Variants in PEG3 observed in about 807,000 individuals in gnomAD.
PEG3 encodes the protein paternally expressed 3.
PEG3 carries 23 observed loss-of-function variants against 35.5 expected under a neutral mutation model. The ratio of observed to expected loss-of-function variants is 0.65; its 90% CI spans 0.47 to 0.92. PEG3 has a LOEUF of 0.92. Among genes scored for constraint, PEG3 ranks in the 40% least tolerant of loss-of-function variants. The pLI is 0.00. For synonymous variants in PEG3, 707 were observed against 697.0 expected, an observed-to-expected ratio of 1.01 and a Z score of -0.23; for missense variants, 1,960 against 1,985.3, an observed-to-expected ratio of 0.99 and a Z score of 0.24.
rs146926530 is a variant in PEG3, at chr19:56,814,004, C to T, written c.4438G>A (p.Asp1480Asn). ...TCAATTCCCACACCGTCAGGCTCGT[C>T]GGCATCTCCCTCTGGCTCTTCAGCT... The part of the protein sequence containing the change: ...GKAEEPEGDA[D>N]EPDGVGIEDP... Residue 1480 changes from aspartate (D) to asparagine (N), a missense_variant, in exon 10 of 10, where the codon GAC becomes AAC. By Grantham distance (23) the Asp-to-Asn change is conservative. This residue lies in a region of PEG3 where 416 missense variants were observed against 416.7 expected (regional missense o/e 1.00). Transcript: ENST00000326441. This position sits in a 1 kb window ranked among gnomAD's most constrained non-coding sequence, Gnocchi z 5.8. 2.5e-4 allele frequency: 400 copies of T among 1,614,034 alleles called. 2 individuals carry two copies. The highest frequency in any genetic ancestry group is 1.6e-4 in the Middle Eastern group (1 of 6,084).
At position 56,817,149 on chromosome 19, in the gene PEG3, C is replaced by A; in HGVS notation, c.1293G>T (p.Leu431=). The change falls in exon 10 of 10, where the codon CTG becomes CTT. Residue 431 remains leucine (L), a synonymous_variant. Transcript: ENST00000326441. ...TAAAGGAGGGGGAGCTGAGGCTGCT[C>A]AGGCTGCTCACGCTCATGGCTTTTC... is the stretch of plus-strand genomic sequence containing the variant. ...EMRKAMSVSS[L]SSLSSPSFTE... is the part of the protein sequence containing the mutation. The A allele has an allele frequency of 6.2e-7, 1 of 1,614,172 alleles. No individual in the cohort carries two copies. The highest frequency in any genetic ancestry group is 8.5e-7 in the Non-Finnish European group (1 of 1,180,008).
chr19:56,823,734 T>C (rs572353236), intron 4 of PEG3, 55 bp from the exon 5 acceptor site: 55 of 1,592,032 alleles, frequency 3.5e-5, no homozygotes, highest in Admixed American at 8.3e-5. Context: ...CTCACAATAG[T>C]TCCCCCCAAT....
Position 56,816,540 on chromosome 19 carries a change from C to T in PEG3, c.1902G>A (p.Glu634=), listed in dbSNP as rs779388459. Reference sequence around the variant, plus strand: ...TCAGGGATGAGCTATGAAGGAAAGTCTCCCCACACACCTTACATTCGTACA... The same window carrying T: ...TCAGGGATGAGCTATGAAGGAAAGTTTCCCCACACACCTTACATTCGTACA... The part of the protein sequence containing the change: ...EKMYECKVCG[E]TFLHSSSLKE... Residue 634 remains glutamate, a synonymous_variant, in exon 10 of 10, where the codon GAG becomes GAA. Coordinates refer to ENST00000326441, the MANE Select transcript of PEG3 (RefSeq NM_006210.3). 1.9e-6 allele frequency: 3 copies of T among 1,613,800 alleles called. No individual in the cohort carries two copies. In the African/African-American group the frequency reaches 4.0e-5, roughly 22 times the overall value.
At chr19:56,818,868 G>A (rs751380859) in intron 7 of PEG3, among the ~76,000 whole-genome samples, 166 bp from the exon 8 acceptor site, 4 of 152,314 alleles carry the variant, frequency 2.6e-5, no homozygotes, top group Admixed American at 6.5e-5. Flanking sequence ...GACCTACGTC[G>A]TACCTACCTT....
rs1186287818 is a variant in PEG3 at position 56,810,128 on chromosome 19, T to C, written c.*3547A>G. 3 of 964,928 alleles carry C rather than the reference T, an allele frequency of 3.1e-6. No homozygotes were observed. The African/African-American group carries it at 5.3e-5, about 17-fold the overall frequency. 59.8% of individuals were successfully genotyped at this position (964,928 alleles called of 1,614,324 possible). A position where few individuals can be genotyped will look rare whatever the true frequency, so the allele number is the denominator to read the frequency against. On this transcript the variant is annotated 3_prime_UTR_variant, in exon 10 of 10. Coordinates refer to ENST00000326441, the MANE Select transcript of PEG3 (RefSeq NM_006210.3). ...ATTGTTGACACTATTACAGATAGAA[T>C]GACCACAACCATATTAACAAACCAA...
rs138837291 is a variant in PEG3 at position 56,817,406 on chromosome 19, C to T, written c.1036G>A (p.Asp346Asn). 490 of 1,614,136 alleles carry T rather than the reference C, an allele frequency of 3.0e-4. 5 individuals carry two copies. The East Asian group carries it at 0.011, about 35-fold the overall frequency. The change falls in exon 10 of 10, where the codon GAT (aspartate) becomes AAT (asparagine). Residue 346 changes from aspartate (D) to asparagine (N), a missense_variant. By Grantham distance (23) the Asp-to-Asn change is conservative. Coordinates refer to ENST00000326441, the MANE Select transcript of PEG3 (RefSeq NM_006210.3). ...AATGAAATGTCCTTCCAGTTATCATCTGACATTCTGGGGAATCTCTGTGAC... is the reference window on the plus strand; with the variant it reads ...AATGAAATGTCCTTCCAGTTATCATTTGACATTCTGGGGAATCTCTGTGAC... The part of the protein sequence containing the change: ...DRSQRFPRMS[D>N]DNWKDISLNK...
intron 1 of PEG3, among the ~76,000 whole-genome samples, chr19:56,837,321 G>A: frequency 6.6e-6 from 1 of 152,022 alleles, no homozygotes; most frequent in Non-Finnish European, 1.5e-5. Context: ...AGGACCACCC[G>A]CAGCCCTGAA....
chr19:56,813,469 A>C lies in PEG3; in HGVS notation c.*206T>G. ...TGTGCTATGGCTTTCCCACATGCAG[A>C]CACTGACATCTGAAGGGGAAAGCTT... On this transcript the variant is annotated 3_prime_UTR_variant, in exon 10 of 10. Transcript: ENST00000326441. 1 of 1,393,476 alleles carries C rather than the reference A, an allele frequency of 7.2e-7. No individual in the cohort carries two copies. Among genetic ancestry groups the C allele is most frequent in the East Asian group, 2.6e-5 (1 of 38,594 alleles). 86.3% of individuals were successfully genotyped at this position (1,393,476 alleles called of 1,614,324 possible). A position where few individuals can be genotyped will look rare whatever the true frequency, so the allele number is the denominator to read the frequency against.
intron 3 of PEG3, among the ~76,000 whole-genome samples, 195 bp downstream of exon 3, chr19:56,826,193 G>A (rs908929965): frequency 8.5e-5 from 13 of 152,170 alleles, no homozygotes; most frequent in African/African-American, 3.1e-4. Context: ...CCAGATGATT[G>A]GTGTGACATT....
intron 2 of PEG3, among the ~76,000 whole-genome samples, chr19:56,832,069 T>A (rs985546777): frequency 6.6e-6 from 1 of 152,238 alleles, no homozygotes; most frequent in Non-Finnish European, 1.5e-5. Flanking sequence ...AGACTATTCA[T>A]AAAATAGAGG....
At chr19:56,839,274 A>C (rs573423392) in intron 1 of PEG3, among the ~76,000 whole-genome samples, 5 of 136,618 alleles carry the variant, frequency 3.7e-5, no homozygotes, top group African/African-American at 5.6e-5. Context: ...CAAACATGGC[A>C]TCTAGGTGGG....
intron 7 of PEG3, 110 bp downstream of exon 7, chr19:56,821,539 TCA>T: frequency 7.6e-7 from 1 of 1,323,334 alleles, no homozygotes; most frequent in Non-Finnish European, 1.0e-6. Flanking sequence ...GCTGGGACTC[TCA>T]CCCCAGCTGG....
rs1269616845 is a variant in PEG3 at position 56,810,732 on chromosome 19, A to T, written c.*2943T>A. ...TTTAAGACTTTATGCACACATATTTAACACTGTTATCACAAGCGTGTGCAC... is the reference window on the plus strand; with the variant it reads ...TTTAAGACTTTATGCACACATATTTTACACTGTTATCACAAGCGTGTGCAC... On this transcript the variant is annotated 3_prime_UTR_variant, in exon 10 of 10. Transcript: ENST00000326441. 3.0e-6 allele frequency: 3 copies of T among 983,986 alleles called. No homozygotes were observed. The East Asian group carries it at 3.4e-4, about 111-fold the overall frequency. The allele number at this position is 983,986 out of a possible 1,614,324, so 61.0% of individuals were successfully genotyped here.
In PEG3 at chr19:56,824,557, G is replaced by A. The variant is rs1362870703; in HGVS notation, c.99C>T (p.Val33=). The A allele has an allele frequency of 1.2e-6, 2 of 1,613,988 alleles. No individual in the cohort carries two copies. The highest frequency in any genetic ancestry group is 2.7e-5 in the African/African-American group (2 of 74,902). Residue 33 remains valine, a synonymous_variant, in exon 4 of 10, where the codon GTC becomes GTT. Coordinates refer to ENST00000326441, the MANE Select transcript of PEG3 (RefSeq NM_006210.3). ...AGTCAGTTGGACCTTCTCCTATGATGACATCCGGCTCCTTAGTCAAGTCAC... is the reference window on the plus strand; with the variant it reads ...AGTCAGTTGGACCTTCTCCTATGATAACATCCGGCTCCTTAGTCAAGTCAC... ...LDSDLTKEPD[V]IIGEGPTDSE...
intron 6 of PEG3, 71 bp downstream of exon 6, chr19:56,822,682 C>T (rs924777847): frequency 6.3e-7 from 1 of 1,578,158 alleles, no homozygotes; most frequent in African/African-American, 1.3e-5. Context: ...GGCCCTGGCA[C>T]TTTCCCCTTG....
chr19:56,813,799 C>A lies in PEG3; in HGVS notation c.4643G>T (p.Arg1548Leu). The A allele has an allele frequency of 6.2e-7, 1 of 1,614,070 alleles. No individual in the cohort carries two copies. Among genetic ancestry groups the A allele is most frequent in the Non-Finnish European group, 8.5e-7 (1 of 1,180,014 alleles). Residue 1548 changes from arginine to leucine, a missense_variant, in exon 10 of 10, where the codon CGT (arginine) becomes CTT (leucine). By Grantham distance (102) the Arg-to-Leu change is moderately radical (BLOSUM62 -2). Around this residue, in one of 5 missense-constraint regions of PEG3, gnomAD observed 416 missense variants for 416.7 expected, o/e 1.00. Coordinates refer to ENST00000326441, the MANE Select transcript of PEG3 (RefSeq NM_006210.3). ...AFGECSGYIERASTSTGGANQ... is the reference protein window; with the variant it reads ...AFGECSGYIELASTSTGGANQ... ...GGCACCACCTGTGCTGGTGCTGGCA[C>A]GTTCGATGTAGCCTGAGCACTCCCC...
rs371929007 is a variant in PEG3, at chr19:56,823,696, C to T, written c.395-17G>A. On this transcript the variant is annotated splice_polypyrimidine_tract_variant and intron_variant, in intron 4 of 9. Transcript: ENST00000326441. The stretch of plus-strand genomic sequence containing the variant: ...TGTTGTCGTCTAAGAGGACACCGGT[C>T]GCCAAGTTACTATCTCTGGCCCACA... 8.1e-6 allele frequency: 13 copies of T among 1,613,882 alleles called. No homozygotes were observed. Among genetic ancestry groups the T allele is most frequent in the Admixed American group, 6.7e-5 (4 of 59,998 alleles).
Position 56,815,761 on chromosome 19 carries a change from G to C in PEG3, c.2681C>G (p.Ser894Cys), listed in dbSNP as rs764651705. The change falls in exon 10 of 10, where the codon TCT becomes TGT. Residue 894 changes from serine to cysteine, a missense_variant. Ser to Cys is a moderately radical substitution (Grantham distance 112, BLOSUM62 -1). This residue lies in a region of PEG3 where 798 missense variants were observed against 782.4 expected (regional missense o/e 1.02). Transcript: ENST00000326441. ...GGCACGGAATACACTCTGTATGACA[G>C]AGTCTTCATAGTTGCGATTCTTACT... ...GGSKNRNYED[S>C]VIQSVFRAKP... The C allele has an allele frequency of 3.1e-6, 5 of 1,613,914 alleles. No homozygotes were observed. The highest frequency in any genetic ancestry group is 2.2e-5 in the South Asian group (2 of 91,066).
chr19:56,814,136 C>A lies in PEG3; in HGVS notation c.4306G>T (p.Ala1436Ser), dbSNP rs752295150. The change falls in exon 10 of 10, where the codon GCT becomes TCT. Residue 1436 changes from alanine to serine, a missense_variant. Physicochemically the swap from Ala to Ser is moderately conservative, Grantham distance 99. Coordinates refer to ENST00000326441, the MANE Select transcript of PEG3 (RefSeq NM_006210.3). This position sits in a 1 kb window ranked among gnomAD's most constrained non-coding sequence, Gnocchi z 5.8. ...DGEAAEPIGE[A>S]GQPNGEAEQP... ...TCGGCCTCTCCATTTGGCTGTCCAG[C>A]CTCTCCAATGGGCTCTGCAGCCTCT... 1 of 1,614,200 alleles carries A rather than the reference C, an allele frequency of 6.2e-7. No individual in the cohort carries two copies. Among genetic ancestry groups the A allele is most frequent in the Non-Finnish European group, 8.5e-7 (1 of 1,180,034 alleles).
Sources: allele counts gnomAD v4.1 joint callset (sites outside exome capture counted in the v4.1 genomes callset), GRCh38; gene constraint gnomAD v4.1.1; regional missense constraint gnomAD v4.1.1; non-coding constraint Gnocchi (gnomAD v3.1); transcripts MANE v1.5; gene names NCBI Gene and HGNC (gene_info 2026-07-23, HGNC 2026-07-21).